The following SULT1B1 variants were observed in gnomAD, a reference collection of about 807,000 sequenced individuals.
SULT1B1 encodes sulfotransferase family 1B member 1.
Under a neutral mutation model 34.6 loss-of-function variants are expected in SULT1B1, and 28 were observed. That is an observed-to-expected ratio of 0.81 (90% CI 0.60 to 1.11). SULT1B1 has a LOEUF of 1.11. Among genes scored for constraint, SULT1B1 ranks in the 50% least tolerant of loss-of-function variants. The pLI is 0.00. For missense variants in SULT1B1, 374 were observed against 352.2 expected, an observed-to-expected ratio of 1.06 and a Z score of -0.50; for synonymous variants, 147 against 110.2, an observed-to-expected ratio of 1.33 and a Z score of -2.09.
chr4:69,723,165 T>G lies in SULT1B1; in HGVS notation c.*3923A>C, dbSNP rs969188152. ...AGAAAAGAGAGAAGAATCAAATAGA[T>G]GCAATAAAAAAAGATAAAGGGGATA... On this transcript the variant is annotated 3_prime_UTR_variant, in exon 8 of 8. Transcript: ENST00000310613. The G allele has an allele frequency of 3.3e-5, 5 of 150,552 alleles. No homozygotes were observed. The highest frequency in any genetic ancestry group is 4.9e-5 in the African/African-American group (2 of 40,872). 9.3% of individuals were successfully genotyped at this position (150,552 alleles called of 1,614,324 possible). A position where few individuals can be genotyped will look rare whatever the true frequency, so the allele number is the denominator to read the frequency against.
chr4:69,727,567 G>T (rs888378919), intron 7 of SULT1B1, among the ~76,000 whole-genome samples: 1 of 151,208 alleles, frequency 6.6e-6, no homozygotes, highest in Non-Finnish European at 1.5e-5. Context: ...CAATAGTCAG[G>T]CATATTTTAT....
At chr4:69,736,385 C>T (rs1718311334) in intron 4 of SULT1B1, among the ~76,000 whole-genome samples, 1 of 152,108 alleles carries the variant, frequency 6.6e-6, no homozygotes, top group South Asian at 2.1e-4. Flanking sequence ...CTGCTTGTGC[C>T]ACCCTTCCCC....
chr4:69,757,505 A>G lies in SULT1B1; in HGVS notation c.-44-2244T>C, dbSNP rs114451890. On this transcript the variant is annotated intron_variant, in intron 1 of 7. Transcript: ENST00000310613. ...AATGTTAATTTGTATAGAAAGAGGT[A>G]TGCTTTTGACTAGGAAAAACATGTT... is the stretch of plus-strand genomic sequence containing the variant. Among the ~76,000 whole-genome samples, 559 of 152,244 alleles carry G rather than the reference A, an allele frequency of 3.7e-3. 5 individuals are homozygous for G. Among genetic ancestry groups the G allele is most frequent in the African/African-American group, 0.013 (530 of 41,548 alleles).
chr4:69,745,531 G>T (rs914870618), intron 4 of SULT1B1, among the ~76,000 whole-genome samples: 4 of 151,964 alleles, frequency 2.6e-5, no homozygotes, highest in African/African-American at 9.7e-5. Context: ...CTGCTTTGTT[G>T]TTGTTGTTGT....
At position 69,735,229 on chromosome 4, in the gene SULT1B1, C is replaced by T. The variant is rs530084644; in HGVS notation, c.376-965G>A. Among the ~76,000 whole-genome samples the T allele has an allele frequency of 8.5e-5, 13 of 152,260 alleles. No homozygotes were observed. The South Asian group carries it at 2.7e-3, about 32-fold the overall frequency. On this transcript the variant is annotated intron_variant, in intron 4 of 7. Transcript: ENST00000310613. The stretch of plus-strand genomic sequence containing the variant: ...TGAGTAATGCCAATGTGGTGAGTTC[C>T]TCCTAGGTGTCCTTTTTATCTCCTA...
At chr4:69,758,803 T>C (rs904116819) in intron 1 of SULT1B1, among the ~76,000 whole-genome samples, 2 of 152,216 alleles carry the variant, frequency 1.3e-5, no homozygotes, top group African/African-American at 4.8e-5. Flanking sequence ...CTTTGCCTTT[T>C]CTTTATTTAT....
At chr4:69,734,964 G>A (rs111844195) in intron 4 of SULT1B1, among the ~76,000 whole-genome samples, 15,063 of 151,680 alleles carry the variant, frequency 0.099, 987 homozygotes, top group Middle Eastern at 0.15. Context: ...GACTACAGGC[G>A]CCCGCCACCA....
chr4:69,733,566 G>T, intron 5 of SULT1B1, 59 bp from the exon 6 acceptor site: 1 of 1,256,688 alleles, frequency 8.0e-7, no homozygotes, highest in Non-Finnish European at 1.1e-6. Flanking sequence ...ATTTCTGTCT[G>T]AATAGTAAAT....
intron 6 of SULT1B1, among the ~76,000 whole-genome samples, chr4:69,732,478 T>G (rs1168681196): frequency 6.6e-6 from 1 of 151,454 alleles, no homozygotes; most frequent in Non-Finnish European, 1.5e-5. Context: ...ATGCAAGTAA[T>G]CTTGAGCCCC....
In SULT1B1 at chr4:69,749,801, T is replaced by G. The variant is rs901011102; in HGVS notation, c.295A>C (p.Lys99Gln). 6.2e-7 allele frequency: 1 copy of G among 1,613,254 alleles called. No homozygotes were observed. The highest frequency in any genetic ancestry group is 8.5e-7 in the Non-Finnish European group (1 of 1,179,296). The change falls in exon 4 of 8, where the codon AAG (lysine) becomes CAG (glutamine). Residue 99 changes from lysine to glutamine, a missense_variant. By Grantham distance (53) the Lys-to-Gln change is moderately conservative (BLOSUM62 1). Coordinates refer to ENST00000310613, the MANE Select transcript of SULT1B1 (RefSeq NM_014465.4). ...LRTSGIEQLE[K>Q]NPSPRIVKTH... ...TTCACAATCCGGGGTGATGGATTCT[T>G]CTCCAATTGTTCTATACCTGAGAAA...
chr4:69,729,702 C>T (rs1020987496), intron 7 of SULT1B1, among the ~76,000 whole-genome samples: 4 of 152,004 alleles, frequency 2.6e-5, no homozygotes, highest in Admixed American at 2.6e-4. Flanking sequence ...TGTTAATATG[C>T]ATAATACATT....
chr4:69,746,296 A>G (rs757907680), intron 4 of SULT1B1, among the ~76,000 whole-genome samples: 3 of 152,200 alleles, frequency 2.0e-5, no homozygotes, highest in Non-Finnish European at 2.9e-5. Context: ...ATCCTCAGAT[A>G]TGTTTTCCAA....
At chr4:69,739,279 C>A (rs1490919444) in intron 4 of SULT1B1, among the ~76,000 whole-genome samples, 1 of 152,224 alleles carries the variant, frequency 6.6e-6, no homozygotes, top group Non-Finnish European at 1.5e-5. Flanking sequence ...CAGAGGTTCT[C>A]CATGAGAGCT....
rs901601018 is a variant in SULT1B1 at position 69,721,699 on chromosome 4, C to A, written c.*5389G>T. ...GATTGAAAGGGAATACATGACACTT[C>A]CCTTTGAATGTATGAATCTGAGTGT... On this transcript the variant is annotated 3_prime_UTR_variant, in exon 8 of 8. Transcript: ENST00000310613. The A allele has an allele frequency of 2.6e-5, 4 of 152,084 alleles. No homozygotes were observed. Among genetic ancestry groups the A allele is most frequent in the African/African-American group, 9.7e-5 (4 of 41,442 alleles). The allele number at this position is 152,084 out of a possible 1,614,324, so 9.4% of individuals were successfully genotyped here.
In SULT1B1 at chr4:69,724,896, A is replaced by T; in HGVS notation, c.*2192T>A. The T allele has an allele frequency of 6.6e-6, 1 of 152,102 alleles. No homozygotes were observed. Among genetic ancestry groups the T allele is most frequent in the African/African-American group, 2.4e-5 (1 of 41,434 alleles). 9.4% of individuals were successfully genotyped at this position (152,102 alleles called of 1,614,324 possible). A position where few individuals can be genotyped will look rare whatever the true frequency, so the allele number is the denominator to read the frequency against. ...CAAGATGGATTAAAGACTTAAATGT[A>T]AGACCTAAAACCATAAAAACCCTAG... On this transcript the variant is annotated 3_prime_UTR_variant, in exon 8 of 8. Coordinates refer to ENST00000310613, the MANE Select transcript of SULT1B1 (RefSeq NM_014465.4).
In SULT1B1 at chr4:69,750,304, T is replaced by TA. The variant is rs1381544227; in HGVS notation, c.278-487_278-486insT. On this transcript the variant is annotated intron_variant, in intron 3 of 7. Transcript: ENST00000310613. ...TTTGTATATAATATCAGCTGTTTTA[T>TA]CTATATTTTCATTATATCCTATATG... Among the ~76,000 whole-genome samples, 18 of 152,274 alleles carry TA rather than the reference T, an allele frequency of 1.2e-4. No homozygotes were observed. The South Asian group carries it at 1.7e-3, about 14-fold the overall frequency.
intron 1 of SULT1B1, among the ~76,000 whole-genome samples, chr4:69,755,656 T>C (rs1365713875): frequency 2.0e-5 from 3 of 152,246 alleles, no homozygotes; most frequent in Admixed American, 2.0e-4. Context: ...CCTTTGATTT[T>C]CAGTTTGTAA....
chr4:69,733,757 AAAG>A (rs1341331516), intron 5 of SULT1B1, among the ~76,000 whole-genome samples: 1 of 152,154 alleles, frequency 6.6e-6, no homozygotes, highest in African/African-American at 2.4e-5. Flanking sequence ...TTAGTCTCAT[AAAG>A]AAGAAAACTA....
At chr4:69,751,183 C>A (rs2110029814) in intron 3 of SULT1B1, among the ~76,000 whole-genome samples, 1 of 152,158 alleles carries the variant, frequency 6.6e-6, no homozygotes, top group Non-Finnish European at 1.5e-5. Context: ...GTCACTTTAC[C>A]CAGCATATAA....
Sources: allele counts gnomAD v4.1 joint callset (sites outside exome capture counted in the v4.1 genomes callset), GRCh38; gene constraint gnomAD v4.1.1; transcripts MANE v1.5; gene names NCBI Gene and HGNC (gene_info 2026-07-23, HGNC 2026-07-21).